DCT: variants seen among roughly 807,000 people sequenced by gnomAD.
DCT encodes the protein L-dopachrome tautomerase.
Under a neutral mutation model 53.0 loss-of-function variants are expected in DCT, and 47 were observed. The ratio of observed to expected loss-of-function variants is 0.89; its 90% CI spans 0.70 to 1.13. The LOEUF (loss-of-function observed/expected upper bound fraction) is 1.13. Ranked by LOEUF, DCT falls within the 50% of genes most tolerant of loss-of-function variation. The probability of loss-of-function intolerance (pLI) is 0.00; values close to 1 mark genes in which losing one functional copy is unlikely to be tolerated. For synonymous variants in DCT, 244 were observed against 237.0 expected, an observed-to-expected ratio of 1.03 and a Z score of -0.27; for missense variants, 669 against 637.4, an observed-to-expected ratio of 1.05 and a Z score of -0.53.
the DCT span, among the ~76,000 whole-genome samples, chr13:94,544,735 C>CA: frequency 6.6e-6 from 1 of 151,306 alleles, no homozygotes; most frequent in Non-Finnish European, 1.5e-5. Context: ...GCCAAGGACT[C>CA]AACATCAAAT....
chr13:94,505,742 G>A, the DCT span, among the ~76,000 whole-genome samples: 2 of 152,218 alleles, frequency 1.3e-5, no homozygotes, highest in African/African-American at 4.8e-5. Flanking sequence ...CATCTTGCTA[G>A]CCAACACTAT....
At position 94,437,083 on chromosome 13, in the gene DCT, G is replaced by T. The variant is rs1351762441; in HGVS notation, c.*2815C>A. On this transcript the variant is annotated 3_prime_UTR_variant, in exon 8 of 8. Transcript: ENST00000377028. ...CAAAAGTAACTTCACCTGAGGAAAG[G>T]CTGGCTCTCCTTTTCCTACCTGTTC... 1 of 152,150 alleles carries T rather than the reference G, an allele frequency of 6.6e-6. No individual in the cohort carries two copies. The highest frequency in any genetic ancestry group is 1.5e-5 in the Non-Finnish European group (1 of 68,042). The allele number at this position is 152,150 out of a possible 1,614,324, so 9.4% of individuals were successfully genotyped here.
At chr13:94,484,633 G>A (rs1467589547), upstream of DCT, among the ~76,000 whole-genome samples, 2 of 152,116 alleles carry the variant, frequency 1.3e-5, no homozygotes, top group Non-Finnish European at 2.9e-5. Flanking sequence ...CTCTGTCCTC[G>A]GCTTGCAGAG....
chr13:94,456,114 C>T (rs2139311882), intron 6 of DCT, among the ~76,000 whole-genome samples: 1 of 152,338 alleles, frequency 6.6e-6, no homozygotes, highest in South Asian at 2.1e-4. Flanking sequence ...GCAAAGATCG[C>T]TGTGGCGGCG....
At chr13:94,447,341 T>C (rs1440753537) in intron 6 of DCT, among the ~76,000 whole-genome samples, 2 of 152,218 alleles carry the variant, frequency 1.3e-5, no homozygotes, top group Admixed American at 1.3e-4. Context: ...TAGATTCTCA[T>C]AAGGAGTGTG....
intron 6 of DCT, chr13:94,452,618 A>G (rs778742748): frequency 2.1e-5 from 16 of 770,198 alleles, no homozygotes; most frequent in Non-Finnish European, 3.4e-5. Context: ...TTACATGTTC[A>G]AGGATGTTTG....
chr13:94,518,108 GGGAAGGAA>G, the DCT span, among the ~76,000 whole-genome samples: 2,712 of 125,216 alleles, frequency 0.022, 68 homozygotes, highest in African/African-American at 0.061. Context: ...GGGAAACGAA[GGGAAGGAA>G]GGAAGGAAGG....
At chr13:94,538,885 G>T in the DCT span, among the ~76,000 whole-genome samples, 19 of 152,004 alleles carry the variant, frequency 1.2e-4, no homozygotes, top group African/African-American at 4.6e-4. Flanking sequence ...CTATCTGTGC[G>T]GTTTGGCTCT....
the DCT span, among the ~76,000 whole-genome samples, chr13:94,545,869 T>C: frequency 2.6e-5 from 4 of 152,134 alleles, no homozygotes; most frequent in African/African-American, 9.6e-5. Context: ...GGTGGAGGCC[T>C]GGCCTAACTC....
the DCT span, among the ~76,000 whole-genome samples, chr13:94,487,834 C>T: frequency 6.6e-6 from 1 of 151,888 alleles, no homozygotes. Context: ...AAATGCTGGA[C>T]ATCTGTCCTG....
the DCT span, among the ~76,000 whole-genome samples, chr13:94,521,444 G>A: frequency 5.3e-5 from 8 of 152,254 alleles, no homozygotes; most frequent in African/African-American, 1.9e-4. Flanking sequence ...GCCGAGGTGG[G>A]CGGATCACCT....
chr13:94,457,522 C>T lies in DCT; in HGVS notation c.1179+2569G>A, dbSNP rs142137428. Among the ~76,000 whole-genome samples the T allele has an allele frequency of 4.8e-3, 725 of 152,258 alleles. 5 individuals are homozygous for T. Among genetic ancestry groups the T allele is most frequent in the African/African-American group, 0.017 (693 of 41,562 alleles). Reference sequence around the variant, plus strand: ...TTGTTTAAGCCATCCAATCTGTGGTCTTTCATTATGGCAGCCTGAGCAGAC... The same window carrying T: ...TTGTTTAAGCCATCCAATCTGTGGTTTTTCATTATGGCAGCCTGAGCAGAC... On this transcript the variant is annotated intron_variant, in intron 6 of 7. Transcript: ENST00000377028.
At chr13:94,442,709 C>G (rs1157711928) in intron 7 of DCT, among the ~76,000 whole-genome samples, 1 of 152,096 alleles carries the variant, frequency 6.6e-6, no homozygotes, top group African/African-American at 2.4e-5. Flanking sequence ...ACATAGAGTC[C>G]CACGTAGCCC....
chr13:94,509,110 C>A, the DCT span, among the ~76,000 whole-genome samples: 1 of 152,152 alleles, frequency 6.6e-6, no homozygotes, highest in Non-Finnish European at 1.5e-5. Context: ...TTGAGAGAAG[C>A]AAACTGAATG....
chr13:94,457,697 T>A (rs1044246093), intron 6 of DCT, among the ~76,000 whole-genome samples: 6 of 152,210 alleles, frequency 3.9e-5, no homozygotes, highest in Non-Finnish European at 8.8e-5. Flanking sequence ...TTTCTTCTTG[T>A]AATTGCTCCA....
chr13:94,507,701 C>T, the DCT span, among the ~76,000 whole-genome samples: 2 of 152,100 alleles, frequency 1.3e-5, no homozygotes, highest in African/African-American at 4.8e-5. Flanking sequence ...GGGATTTCAA[C>T]GTGTTAGCCA....
chr13:94,455,510 C>T (rs1461437006), intron 6 of DCT, among the ~76,000 whole-genome samples: 1 of 152,126 alleles, frequency 6.6e-6, no homozygotes, highest in Non-Finnish European at 1.5e-5. Flanking sequence ...ATAGAGCCTA[C>T]AACCTGTTTT....
At chr13:94,504,478 C>T in the DCT span, among the ~76,000 whole-genome samples, 1 of 152,192 alleles carries the variant, frequency 6.6e-6, no homozygotes, top group South Asian at 2.1e-4. Flanking sequence ...AGTGATTCTC[C>T]TGCCTCAGCC....
the DCT span, among the ~76,000 whole-genome samples, chr13:94,511,858 G>A: frequency 7.1e-6 from 1 of 139,936 alleles, no homozygotes; most frequent in Admixed American, 6.8e-5. Context: ...GTGTGTGTGT[G>A]TGTGTGTGTG....
Sources: gnomAD v4.1 joint callset for allele counts (sites outside exome capture counted in the v4.1 genomes callset) on GRCh38, gnomAD v4.1.1 for gene constraint, MANE v1.5 for transcripts, NCBI Gene and HGNC (gene_info 2026-07-23, HGNC 2026-07-21) for gene names.